GABRG2: variants seen among roughly 807,000 people sequenced by gnomAD.
The protein encoded by GABRG2 is gamma-aminobutyric acid receptor subunit gamma-2.
Under a neutral mutation model 56.4 loss-of-function variants are expected in GABRG2, and 16 were observed. The observed-to-expected ratio is 0.28, with a 90% CI of 0.19 to 0.43. GABRG2 has a LOEUF of 0.43. GABRG2 is among the 20% of genes least tolerant of loss of function. The pLI is 1.00. For synonymous variants in GABRG2, 208 were observed against 205.5 expected, an observed-to-expected ratio of 1.01 and a Z score of -0.10; for missense variants, 327 against 582.7, an observed-to-expected ratio of 0.56 and a Z score of 4.52.
At chr5:162,073,203 A>T (rs1581289564) in intron 1 of GABRG2, among the ~76,000 whole-genome samples, 1 of 152,014 alleles carries the variant, frequency 6.6e-6, no homozygotes, top group Non-Finnish European at 1.5e-5. Context: ...TCACTATTAC[A>T]TTATGTTTTT....
Position 162,155,012 on chromosome 5 carries a change from G to GA in GABRG2, c.*1647dup, listed in dbSNP as rs1765615729. 6.6e-6 allele frequency: 1 copy of GA among 151,992 alleles called. No homozygotes were observed. Among genetic ancestry groups the GA allele is most frequent in the South Asian group, 2.1e-4 (1 of 4,818 alleles). 9.4% of individuals were successfully genotyped at this position (151,992 alleles called of 1,614,324 possible). Reference sequence around the variant, plus strand: ...GCACCCTTTGTTAATTATTTTTATGGAAATTATTACTCTGTCATAATTAAA... The same window carrying GA: ...GCACCCTTTGTTAATTATTTTTATGGAAAATTATTACTCTGTCATAATTAAA... On this transcript the variant is annotated 3_prime_UTR_variant, in exon 10 of 10. Transcript: ENST00000639213.
At chr5:162,095,609 A>G in intron 3 of GABRG2, 47 bp downstream of exon 3, 1 of 1,341,000 alleles carries the variant, frequency 7.5e-7, no homozygotes. Flanking sequence ...AGCATGTTTG[A>G]GAGAAAATGT....
chr5:162,152,642 C>G (rs1765455288), intron 9 of GABRG2: 2 of 285,772 alleles, frequency 7.0e-6, no homozygotes, highest in South Asian at 8.7e-5. Flanking sequence ...TACATTTGCT[C>G]AGAGTAATGG....
intron 1 of GABRG2, among the ~76,000 whole-genome samples, chr5:162,074,584 T>A (rs1758939239): frequency 6.6e-6 from 1 of 152,060 alleles, no homozygotes; most frequent in South Asian, 2.1e-4. Flanking sequence ...ATATAATATG[T>A]CATTATAATC....
At chr5:162,087,552 A>C (rs1760223373) in intron 1 of GABRG2, among the ~76,000 whole-genome samples, 1 of 152,064 alleles carries the variant, frequency 6.6e-6, no homozygotes, top group African/African-American at 2.4e-5. Context: ...ATAGAAGGGA[A>C]AAGTTGTTGC....
intron 2 of GABRG2, chr5:162,094,408 G>C (rs1331188431): frequency 9.4e-6 from 2 of 211,756 alleles, no homozygotes; most frequent in East Asian, 2.5e-4. Flanking sequence ...ACTCCCCTCA[G>C]AGATATACTA....
chr5:162,081,309 G>C (rs2113199350), intron 1 of GABRG2, among the ~76,000 whole-genome samples: 1 of 152,104 alleles, frequency 6.6e-6, no homozygotes, highest in South Asian at 2.1e-4. Context: ...AAAGTTTAAT[G>C]ATTAGGTTAC....
chr5:162,104,274 A>G (rs1761644730), intron 6 of GABRG2, among the ~76,000 whole-genome samples: 1 of 152,214 alleles, frequency 6.6e-6, no homozygotes, highest in Non-Finnish European at 1.5e-5. Context: ...TATTTAAGGA[A>G]AAATGAATAT....
At chr5:162,080,827 T>C (rs1759598315) in intron 1 of GABRG2, among the ~76,000 whole-genome samples, 1 of 152,146 alleles carries the variant, frequency 6.6e-6, no homozygotes, top group African/African-American at 2.4e-5. Flanking sequence ...CAAGAACCAG[T>C]TATTGATTTT....
rs776166431 is a variant in GABRG2, at chr5:162,149,307, A to G, written c.1122A>G (p.Lys374=). ...KPSKDKDKKK[K]NPLLRMFSFK... is the part of the protein sequence containing the mutation. ...GCAAGGACAAAGATAAAAAGAAGAA[A>G]AACCCTGTATGTATCATTTTCCATT... The change falls in exon 8 of 10, where the codon AAA becomes AAG. Residue 374 remains lysine (K), a synonymous_variant. Transcript: ENST00000639213. 1.1e-4 allele frequency: 171 copies of G among 1,613,998 alleles called. No homozygotes were observed. The highest frequency in any genetic ancestry group is 1.4e-4 in the Non-Finnish European group (161 of 1,179,996).
intron 6 of GABRG2, among the ~76,000 whole-genome samples, chr5:162,115,343 G>A (rs967701886): frequency 7.2e-5 from 11 of 152,236 alleles, no homozygotes; most frequent in African/African-American, 2.4e-4. Context: ...CAAACATATG[G>A]TGGGTATTTG....
chr5:162,093,296 C>G (rs1760747546), intron 1 of GABRG2, among the ~76,000 whole-genome samples: 1 of 152,030 alleles, frequency 6.6e-6, no homozygotes, highest in South Asian at 2.1e-4. Context: ...TAAACACACC[C>G]TGGGGGAAGC....
chr5:162,102,818 G>T, intron 5 of GABRG2: 1 of 245,268 alleles, frequency 4.1e-6, no homozygotes. Context: ...ATCCCTTCTA[G>T]GGACTCTCTC....
At chr5:162,135,353 C>G (rs1448277299) in intron 6 of GABRG2, among the ~76,000 whole-genome samples, 1 of 152,048 alleles carries the variant, frequency 6.6e-6, no homozygotes, top group Non-Finnish European at 1.5e-5. Context: ...TCTTAAAAGC[C>G]AATGTTGATC....
chr5:162,140,500 G>A (rs376529504), intron 6 of GABRG2, among the ~76,000 whole-genome samples: 9 of 152,080 alleles, frequency 5.9e-5, no homozygotes, highest in African/African-American at 2.2e-4. Flanking sequence ...AACTCACCCC[G>A]CTAATTCAAT....
intron 6 of GABRG2, among the ~76,000 whole-genome samples, chr5:162,119,196 T>C (rs1339062279): frequency 2.0e-5 from 3 of 152,162 alleles, no homozygotes; most frequent in African/African-American, 7.2e-5. Flanking sequence ...GTGCGTTCTC[T>C]TGTCTATATG....
intron 5 of GABRG2, chr5:162,101,626 A>T (rs2113354811): frequency 2.8e-6 from 1 of 361,590 alleles, no homozygotes. Context: ...TGGACTCAAT[A>T]GAAAAGGTGC....
chr5:162,068,772 A>T (rs573868854), intron 1 of GABRG2, among the ~76,000 whole-genome samples: 36 of 152,162 alleles, frequency 2.4e-4, no homozygotes, highest in Non-Finnish European at 4.9e-4. Flanking sequence ...GCATCCACAG[A>T]GTCAGAGAGA....
intron 8 of GABRG2, 37 bp from the exon 9 acceptor site, chr5:162,151,693 A>G: frequency 7.6e-6 from 12 of 1,569,594 alleles, no homozygotes; most frequent in Non-Finnish European, 1.0e-5. Flanking sequence ...TTTATTAAAA[A>G]CAAATGCAAT....
Sources: gnomAD v4.1 joint callset for allele counts (sites outside exome capture counted in the v4.1 genomes callset) on GRCh38, gnomAD v4.1.1 for gene constraint, MANE v1.5 for transcripts, NCBI Gene and HGNC (gene_info 2026-07-23, HGNC 2026-07-21) for gene names.